The following GUCA1B variants were observed in gnomAD, a reference collection of about 807,000 sequenced individuals.
GUCA1B encodes guanylate cyclase activator 1B.
A neutral mutation model predicts 24.2 loss-of-function variants in GUCA1B; 22 were observed. That is an observed-to-expected ratio of 0.91 (90% CI 0.65 to 1.30). The LOEUF (loss-of-function observed/expected upper bound fraction) is 1.30, where lower values mean the gene tolerates loss of function less well. Ranked by LOEUF, GUCA1B falls within the 50% of genes most tolerant of loss-of-function variation. The probability of loss-of-function intolerance (pLI) is 0.00; values close to 1 mark genes in which losing one functional copy is unlikely to be tolerated. For missense variants in GUCA1B, 221 were observed against 258.8 expected, an observed-to-expected ratio of 0.85 and a Z score of 1.00; for synonymous variants, 100 against 97.9, an observed-to-expected ratio of 1.02 and a Z score of -0.13.
rs370706811 is a variant in GUCA1B, at chr6:42,188,400, TTTGA to T, written c.357+178_357+181del. Among the ~76,000 whole-genome samples the T allele has an allele frequency of 3.7e-3, 560 of 152,204 alleles. 3 individuals carry two copies. Among genetic ancestry groups the T allele is most frequent in the African/African-American group, 0.013 (530 of 41,506 alleles). On this transcript the variant is annotated intron_variant, in intron 2 of 3. Transcript: ENST00000230361. ...GATGGGGATTTTCTAATAATCTTTTTTTGATTGATTTCTAGCTTAATTCCACTAG... is the reference window on the plus strand; with the variant it reads ...GATGGGGATTTTCTAATAATCTTTTTTTGATTTCTAGCTTAATTCCACTAG...
At chr6:42,186,610 A>AAGC (rs1215585491) in intron 2 of GUCA1B, among the ~76,000 whole-genome samples, 403 of 147,968 alleles carry the variant, frequency 2.7e-3, no homozygotes, top group African/African-American at 0.01. Context: ...AAAAAGAAAG[A>AAGC]AAGAAAGCAC....
In GUCA1B at chr6:42,188,293, CGTGTGTGTGTGTGT is replaced by C. The variant is rs151241798; in HGVS notation, c.357+275_357+288del. 3.2e-3 allele frequency among the ~76,000 whole-genome samples: 466 copies of C among 143,662 alleles called. 2 individuals carry two copies. Among genetic ancestry groups the C allele is most frequent in the Admixed American group, 6.7e-3 (96 of 14,428 alleles). 94.2% of individuals were successfully genotyped at this position (143,662 alleles called of 152,430 possible). ...TTATTTTTCAATTTAAGATACTTGTCGTGTGTGTGTGTGTGTGTGTGTGTGTGTGTGTGTGTGTG... is the reference window on the plus strand; with the variant it reads ...TTATTTTTCAATTTAAGATACTTGTCGTGTGTGTGTGTGTGTGTGTGTGTG... On this transcript the variant is annotated intron_variant, in intron 2 of 3. Coordinates refer to ENST00000230361, the MANE Select transcript of GUCA1B (RefSeq NM_002098.6).
In GUCA1B at chr6:42,188,641, T is replaced by A; in HGVS notation, c.298A>T (p.Ile100Phe). Residue 100 changes from isoleucine to phenylalanine, a missense_variant, in exon 2 of 4, where the codon ATC becomes TTC. Physicochemically the swap from Ile to Phe is conservative, Grantham distance 21. Transcript: ENST00000230361. The part of the protein sequence containing the change: ...LEHKLKWTFK[I>F]YDKDGNGCID... ...CAGCCATTGCCATCCTTATCATAGA[T>A]CTTGAATGTCCACTTCAGCTTGTGC... is the stretch of plus-strand genomic sequence containing the variant. 1 of 1,614,110 alleles carries A rather than the reference T, an allele frequency of 6.2e-7. No homozygotes were observed. The highest frequency in any genetic ancestry group is 8.5e-7 in the Non-Finnish European group (1 of 1,179,990).
rs202229506 is a variant in GUCA1B at position 42,194,806 on chromosome 6, A to G, written c.15T>C (p.Phe5=). Residue 5 remains phenylalanine, a synonymous_variant, in exon 1 of 4, where the codon TTT becomes TTC. Transcript: ENST00000230361. ...CAGCTGCCTCCGCCTCCTCCCAGCT[A>G]AACTCCTGCCCCATGCTAGCCCTGA... MGQE[F]SWEEAEAAGE... The G allele has an allele frequency of 3.2e-6, 5 of 1,566,560 alleles. No homozygotes were observed. The highest frequency in any genetic ancestry group is 1.2e-5 in the South Asian group (1 of 85,946).
chr6:42,193,683 T>C (rs572037494), intron 1 of GUCA1B, among the ~76,000 whole-genome samples: 2 of 152,272 alleles, frequency 1.3e-5, no homozygotes, highest in South Asian at 4.1e-4. Flanking sequence ...CACCCTCCTG[T>C]CCCGGGACAG....
chr6:42,188,759 G>A (rs765876781), intron 1 of GUCA1B, 28 bp from the exon 2 acceptor site: 35 of 1,604,100 alleles, frequency 2.2e-5, no homozygotes, highest in Non-Finnish European at 2.9e-5. Context: ...GCTGCTGAGG[G>A]CACAGCCCAC....
chr6:42,185,660 C>T lies in GUCA1B; in HGVS notation c.475+20G>A, dbSNP rs772378181. The T allele has an allele frequency of 2.2e-6, 3 of 1,364,786 alleles. No homozygotes were observed. The highest frequency in any genetic ancestry group is 3.1e-6 in the Non-Finnish European group (3 of 952,812). The allele number at this position is 1,364,786 out of a possible 1,614,324, so 84.5% of individuals were successfully genotyped here. The stretch of plus-strand genomic sequence containing the variant: ...ATGATGCAGAGTGGACAGCACTCTC[C>T]CCATCTCTGCCCCTCTTACCATCTC... On this transcript the variant is annotated intron_variant, in intron 3 of 3. Transcript: ENST00000230361.
intron 1 of GUCA1B, among the ~76,000 whole-genome samples, chr6:42,189,629 CCAT>C (rs1415842681): frequency 5.9e-5 from 9 of 152,180 alleles, no homozygotes; most frequent in African/African-American, 2.2e-4. Context: ...TGCCTCCAGC[CCAT>C]CCAGGAAGGT....
intron 1 of GUCA1B, 114 bp from the exon 2 acceptor site, chr6:42,188,845 G>A (rs1768243276): frequency 2.0e-6 from 2 of 990,018 alleles, no homozygotes; most frequent in Admixed American, 2.0e-5. Flanking sequence ...TGGCCTCTGT[G>A]TCTTTGCTCA....
intron 1 of GUCA1B, among the ~76,000 whole-genome samples, chr6:42,192,399 AG>A (rs1562064943): frequency 9.6e-5 from 13 of 135,848 alleles, no homozygotes; most frequent in African/African-American, 2.7e-4. Context: ...AGAAAAGAAA[AG>A]AAAAGAAAAA....
At chr6:42,193,570 G>A (rs974485821) in intron 1 of GUCA1B, among the ~76,000 whole-genome samples, 1 of 152,218 alleles carries the variant, frequency 6.6e-6, no homozygotes, top group African/African-American at 2.4e-5. Context: ...GGAGACCTAA[G>A]AGAGGCGGAG....
rs767929913 is a variant in GUCA1B at position 42,184,878 on chromosome 6, C to T, written c.540G>A (p.Leu180=). The part of the protein sequence containing the change: ...ARRDKWVMKM[L]QMDMNPSSWL... Reference sequence around the variant, plus strand: ...AGCTGCTGGGATTCATGTCCATCTGCAGCATCTTCATCACCCACTTGTCCC... The same window carrying T: ...AGCTGCTGGGATTCATGTCCATCTGTAGCATCTTCATCACCCACTTGTCCC... Residue 180 remains leucine, a synonymous_variant, in exon 4 of 4, where the codon CTG becomes CTA. Transcript: ENST00000230361. 45 of 1,613,958 alleles carry T rather than the reference C, an allele frequency of 2.8e-5. No individual in the cohort carries two copies. The East Asian group carries it at 2.9e-4, about 10-fold the overall frequency.
Position 42,184,562 on chromosome 6 carries a change from T to G in GUCA1B, c.*253A>C. 1.9e-6 allele frequency: 1 copy of G among 517,026 alleles called. No homozygotes were observed. Among genetic ancestry groups the G allele is most frequent in the Non-Finnish European group, 3.6e-6 (1 of 278,474 alleles). The allele number at this position is 517,026 out of a possible 1,614,324, so 32.0% of individuals were successfully genotyped here. A position where few individuals can be genotyped will look rare whatever the true frequency, so the allele number is the denominator to read the frequency against. On this transcript the variant is annotated 3_prime_UTR_variant, in exon 4 of 4. Coordinates refer to ENST00000230361, the MANE Select transcript of GUCA1B (RefSeq NM_002098.6). ...CCACAACCACCCAGCCAAGGCACAGTCCTCCCAGGAGCGGCTGAACAGGAA... is the reference window on the plus strand; with the variant it reads ...CCACAACCACCCAGCCAAGGCACAGGCCTCCCAGGAGCGGCTGAACAGGAA...
Position 42,183,686 on chromosome 6 carries a change from C to T in GUCA1B, c.*1129G>A, listed in dbSNP as rs1768143015. Among the ~76,000 whole-genome samples the T allele has an allele frequency of 6.6e-6, 1 of 152,212 alleles. No individual in the cohort carries two copies. Among genetic ancestry groups the T allele is most frequent in the Non-Finnish European group, 1.5e-5 (1 of 68,038 alleles). ...GCAGTTAGAAGCCAAGCCCAGCCCA[C>T]AATCCCAGTCAACAGTCCCCCAATT... is the stretch of plus-strand genomic sequence containing the variant. On this transcript the variant is annotated 3_prime_UTR_variant, in exon 4 of 4. Coordinates refer to ENST00000230361, the MANE Select transcript of GUCA1B (RefSeq NM_002098.6).
At chr6:42,189,013 G>A (rs1768256281) in intron 1 of GUCA1B, among the ~76,000 whole-genome samples, 1 of 151,566 alleles carries the variant, frequency 6.6e-6, no homozygotes, top group Non-Finnish European at 1.5e-5. Flanking sequence ...AAATTCTTGG[G>A]CTCAAGTGAT....
intron 1 of GUCA1B, among the ~76,000 whole-genome samples, chr6:42,193,810 C>T (rs1265798076): frequency 1.3e-5 from 2 of 152,188 alleles, no homozygotes; most frequent in Non-Finnish European, 2.9e-5. Flanking sequence ...GGAGAACTGA[C>T]ACTTTCTTCA....
At chr6:42,194,044 C>G (rs1408755880) in intron 1 of GUCA1B, among the ~76,000 whole-genome samples, 1 of 152,136 alleles carries the variant, frequency 6.6e-6, no homozygotes, top group Non-Finnish European at 1.5e-5. Flanking sequence ...TTTAATGAAA[C>G]CTTCCAGGAC....
rs1041913053 is a variant in GUCA1B, at chr6:42,185,738, C to T, written c.417G>A (p.Leu139=). 1.1e-5 allele frequency: 17 copies of T among 1,613,452 alleles called. No individual in the cohort carries two copies. Among genetic ancestry groups the T allele is most frequent in the African/African-American group, 1.3e-5 (1 of 74,944 alleles). ...RRELQTEQGQ[L]LTPEEVVDRI... ...TGTCCACGACCTCCTCGGGTGTGAGCAGCTGGCCTTGCTCAGTTTGTAGCT... is the reference window on the plus strand; with the variant it reads ...TGTCCACGACCTCCTCGGGTGTGAGTAGCTGGCCTTGCTCAGTTTGTAGCT... Residue 139 remains leucine (L), a synonymous_variant, in exon 3 of 4, where the codon CTG becomes CTA. Transcript: ENST00000230361.
At chr6:42,194,589 G>C in intron 1 of GUCA1B, 25 bp downstream of exon 1, 1 of 1,494,646 alleles carries the variant, frequency 6.7e-7, no homozygotes. Flanking sequence ...ACTGGCCACT[G>C]GTCCTTCCCT....
Sources: allele counts gnomAD v4.1 joint callset (sites outside exome capture counted in the v4.1 genomes callset), GRCh38; gene constraint gnomAD v4.1.1; transcripts MANE v1.5; gene names NCBI Gene and HGNC (gene_info 2026-07-23, HGNC 2026-07-21).